BTRC: variants seen among roughly 807,000 people sequenced by gnomAD.
BTRC encodes F-box/WD repeat-containing protein 1A.
In BTRC, 42 loss-of-function variants were observed where a neutral mutation model predicts 85.5. The observed-to-expected ratio is 0.49, with a 90% confidence interval of 0.38 to 0.64. BTRC has a LOEUF of 0.64. Among genes scored for constraint, BTRC ranks in the 30% least tolerant of loss-of-function variants. BTRC has a pLI of 0.00. For synonymous variants in BTRC, 255 were observed against 263.3 expected, an observed-to-expected ratio of 0.97 and a Z score of 0.30; for missense variants, 594 against 743.5, an observed-to-expected ratio of 0.80 and a Z score of 2.34.
chr10:101,532,791 C>A (rs45446296), intron 8 of BTRC, among the ~76,000 whole-genome samples, 161 bp from the exon 9 acceptor site: 1 of 29,208 alleles, frequency 3.4e-5, no homozygotes, highest in African/African-American at 2.0e-4. Context: ...TGTGTGTGTG[C>A]GCGTGTGCGC....
At chr10:101,395,325 C>T (rs1943337089) in intron 1 of BTRC, among the ~76,000 whole-genome samples, 1 of 152,154 alleles carries the variant, frequency 6.6e-6, no homozygotes. Context: ...TTTTGTCTGA[C>T]TCTTTGCCCC....
intron 2 of BTRC, among the ~76,000 whole-genome samples, chr10:101,440,987 G>C (rs1177977936): frequency 6.6e-6 from 1 of 152,144 alleles, no homozygotes; most frequent in African/African-American, 2.4e-5. Flanking sequence ...AGTTATTGTT[G>C]TTTTTAAGTA....
At chr10:101,529,163 T>C (rs1219538495) in intron 6 of BTRC, among the ~76,000 whole-genome samples, 2 of 152,232 alleles carry the variant, frequency 1.3e-5, no homozygotes, top group Non-Finnish European at 2.9e-5. Flanking sequence ...ATAGAAGTAG[T>C]CCCTGTTTTC....
chr10:101,525,837 A>T (rs2062183110), intron 5 of BTRC, among the ~76,000 whole-genome samples, 176 bp from the exon 6 acceptor site: 1 of 152,106 alleles, frequency 6.6e-6, no homozygotes, highest in South Asian at 2.1e-4. Context: ...CTTATGGAAA[A>T]ATTATTGACA....
chr10:101,425,296 A>AT (rs1470824376), intron 1 of BTRC, among the ~76,000 whole-genome samples: 1 of 151,770 alleles, frequency 6.6e-6, no homozygotes, highest in East Asian at 1.9e-4. Flanking sequence ...GTTCAGTCTT[A>AT]TTTTTTTCTG....
chr10:101,497,604 G>A (rs2134279559), intron 4 of BTRC, among the ~76,000 whole-genome samples: 1 of 152,312 alleles, frequency 6.6e-6, no homozygotes, highest in East Asian at 1.9e-4. Context: ...TATTCAGGAG[G>A]CTGAGGTGAG....
At position 101,521,730 on chromosome 10, in the gene BTRC, A is replaced by G; in HGVS notation, c.416A>G (p.Lys139Arg). The change falls in exon 5 of 15, where the codon AAA (lysine) becomes AGA (arginine). Residue 139 changes from lysine to arginine, a missense_variant. This residue lies in a region of BTRC where 163 missense variants were observed against 180.5 expected (regional missense o/e 0.90). Transcript: ENST00000370187. ...SYEKEKELCV[K>R]YFEQWSESDQ... ...GAAAAGGAAAAGGAACTGTGTGTCAAATACTTTGAGCAGTGGTCAGAGTCA... is the reference window on the plus strand; with the variant it reads ...GAAAAGGAAAAGGAACTGTGTGTCAGATACTTTGAGCAGTGGTCAGAGTCA... 1 of 1,614,180 alleles carries G rather than the reference A, an allele frequency of 6.2e-7. No individual in the cohort carries two copies. The highest frequency in any genetic ancestry group is 8.5e-7 in the Non-Finnish European group (1 of 1,180,010).
intron 4 of BTRC, among the ~76,000 whole-genome samples, chr10:101,513,597 G>C (rs1331050750): frequency 6.6e-6 from 1 of 152,088 alleles, no homozygotes; most frequent in Non-Finnish European, 1.5e-5. Context: ...TTACCATTTT[G>C]TGTGTCTGTG....
At chr10:101,355,092 G>C (rs1004973553) in intron 1 of BTRC, among the ~76,000 whole-genome samples, 8 of 152,198 alleles carry the variant, frequency 5.3e-5, no homozygotes, top group Non-Finnish European at 1.0e-4. Flanking sequence ...GTATCTAATA[G>C]GGTAAGCAAA....
rs1233289009 is a variant in BTRC, at chr10:101,403,961, A to G, written c.49-26384A>G. Among the ~76,000 whole-genome samples, 4 of 116,024 alleles carry G rather than the reference A, an allele frequency of 3.4e-5. No individual in the cohort carries two copies. The Admixed American group carries it at 3.7e-4, about 11-fold the overall frequency. 76.1% of individuals were successfully genotyped at this position (116,024 alleles called of 152,430 possible). A position where few individuals can be genotyped will look rare whatever the true frequency, so the allele number is the denominator to read the frequency against. ...CTTTCTTTCAAGAGTGTTTTTAGTT[A>G]TTGGAACATTTTAATCCTATCTATG... On this transcript the variant is annotated intron_variant, in intron 1 of 14. Transcript: ENST00000370187.
rs1443531659 is a variant in BTRC at position 101,553,270 on chromosome 10, C to T, written c.*147C>T. ...CTAGCCGAGGAGCAGGGCTTTGAGA[C>T]TCCTGTTGGGACACAGTTGGTCTGC... On this transcript the variant is annotated 3_prime_UTR_variant, in exon 15 of 15. Coordinates refer to ENST00000370187, the MANE Select transcript of BTRC (RefSeq NM_033637.4). 1 of 152,676 alleles carries T rather than the reference C, an allele frequency of 6.5e-6. No individual in the cohort carries two copies. Among genetic ancestry groups the T allele is most frequent in the African/African-American group, 2.4e-5 (1 of 41,454 alleles). 9.5% of individuals were successfully genotyped at this position (152,676 alleles called of 1,614,324 possible).
intron 6 of BTRC, among the ~76,000 whole-genome samples, chr10:101,528,768 G>A (rs189813313): frequency 7.9e-5 from 12 of 152,172 alleles, no homozygotes; most frequent in Admixed American, 3.3e-4. Context: ...AGCCTAATAC[G>A]TCAATAAAGT....
chr10:101,400,683 C>T (rs1210484101), intron 1 of BTRC, among the ~76,000 whole-genome samples: 1 of 152,124 alleles, frequency 6.6e-6, no homozygotes, highest in African/African-American at 2.4e-5. Flanking sequence ...GCCAGCCTGG[C>T]CTTAATATGT....
At chr10:101,518,500 C>T (rs939304967) in intron 4 of BTRC, among the ~76,000 whole-genome samples, 5 of 152,116 alleles carry the variant, frequency 3.3e-5, no homozygotes, top group Non-Finnish European at 5.9e-5. Flanking sequence ...TAGTCAAAGC[C>T]CAGATTCACA....
chr10:101,527,868 C>T (rs35906367), intron 6 of BTRC, among the ~76,000 whole-genome samples: 3,106 of 152,038 alleles, frequency 0.02, 47 homozygotes, highest in Non-Finnish European at 0.03. Context: ...ATTCTTATTT[C>T]GCTACATAGA....
intron 2 of BTRC, among the ~76,000 whole-genome samples, chr10:101,450,557 A>G (rs1205248266): frequency 2.0e-5 from 3 of 152,196 alleles, no homozygotes; most frequent in South Asian, 2.1e-4. Flanking sequence ...ATGTTCCAGT[A>G]TAACAGGCAC....
chr10:101,388,307 A>AACACC (rs904204718), intron 1 of BTRC, among the ~76,000 whole-genome samples: 5 of 150,674 alleles, frequency 3.3e-5, no homozygotes, highest in Non-Finnish European at 5.9e-5. Flanking sequence ...GACTACAGGT[A>AACACC]ACACCACACC....
At chr10:101,497,596 T>C (rs982241086) in intron 4 of BTRC, among the ~76,000 whole-genome samples, 9 of 152,048 alleles carry the variant, frequency 5.9e-5, no homozygotes, top group Admixed American at 5.2e-4. Context: ...GTCCCAGCTA[T>C]TCAGGAGGCT....
intron 1 of BTRC, among the ~76,000 whole-genome samples, chr10:101,356,641 C>T (rs775737750): frequency 6.6e-6 from 1 of 152,142 alleles, no homozygotes; most frequent in Non-Finnish European, 1.5e-5. Context: ...GCTGTTTTGG[C>T]TGCCATTTGA....
Sources: allele counts gnomAD v4.1 joint callset (sites outside exome capture counted in the v4.1 genomes callset), GRCh38; gene constraint gnomAD v4.1.1; regional missense constraint gnomAD v4.1.1; transcripts MANE v1.5; gene names NCBI Gene and HGNC (gene_info 2026-07-23, HGNC 2026-07-21).